ZNF717: variants seen among roughly 807,000 people sequenced by gnomAD.
The protein encoded by ZNF717 is krueppel-like factor X17.
A neutral mutation model predicts 13.8 loss-of-function variants in ZNF717; 9 were observed. The ratio of observed to expected loss-of-function variants is 0.65; its 90% CI spans 0.39 to 1.14. The LOEUF (loss-of-function observed/expected upper bound fraction) is 1.14, where lower values mean the gene tolerates loss of function less well. ZNF717 is among the 50% of genes most tolerant of loss of function. The pLI, the probability that ZNF717 is intolerant of heterozygous loss-of-function variation, is 0.01. For missense variants in ZNF717, 1,040 were observed against 1,080.7 expected (o/e 0.96, Z 0.53); for synonymous variants, 327 against 364.1 (o/e 0.90, Z 1.16).
chr3:75,782,680 T>G (rs749357684), intron 2 of ZNF717, among the ~76,000 whole-genome samples: 1 of 142,770 alleles, frequency 7.0e-6, no homozygotes, highest in Non-Finnish European at 1.6e-5. Context: ...TAGCGGCAGA[T>G]GACCATTTCC....
intron 2 of ZNF717, among the ~76,000 whole-genome samples, chr3:75,778,772 T>TA: frequency 7.9e-6 from 1 of 125,912 alleles, no homozygotes; most frequent in East Asian, 2.3e-4. Flanking sequence ...AGTGTCATGC[T>TA]AAACCAGAAA....
intron 2 of ZNF717, among the ~76,000 whole-genome samples, chr3:75,760,640 A>C (rs564237673): frequency 3.9e-5 from 6 of 152,174 alleles, no homozygotes; most frequent in African/African-American, 1.4e-4. Flanking sequence ...CAGATGCTTA[A>C]ATTGAAAAGA....
intron 5 of ZNF717, among the ~76,000 whole-genome samples, chr3:75,712,314 A>G (rs1937956479): frequency 6.6e-6 from 1 of 152,224 alleles, no homozygotes; most frequent in Non-Finnish European, 1.5e-5. Flanking sequence ...AAAACTCAAA[A>G]CCTCTTGCAA....
At chr3:75,769,660 A>T (rs1349251027) in intron 2 of ZNF717, among the ~76,000 whole-genome samples, 2 of 152,240 alleles carry the variant, frequency 1.3e-5, no homozygotes, top group African/African-American at 4.8e-5. Context: ...AGCATAGTTA[A>T]TATTTTACGT....
exon 6 of ZNF717, chr3:75,730,222 AT>A (rs1938445161): frequency 6.1e-6 from 1 of 164,458 alleles, no homozygotes; most frequent in South Asian, 1.8e-4. Flanking sequence ...CCATATTGGC[AT>A]TTTAACAGCC....
chr3:75,763,229 G>A (rs1322973674), intron 2 of ZNF717, among the ~76,000 whole-genome samples: 1 of 152,236 alleles, frequency 6.6e-6, no homozygotes, highest in East Asian at 1.9e-4. Context: ...CAACCAACAG[G>A]GTAAAAGGAA....
At chr3:75,713,469 A>T (rs1466160120) in intron 5 of ZNF717, among the ~76,000 whole-genome samples, 1 of 152,150 alleles carries the variant, frequency 6.6e-6, no homozygotes, top group African/African-American at 2.4e-5. Context: ...TTAGAATTTT[A>T]AACTTGTAGT....
intron 4 of ZNF717, among the ~76,000 whole-genome samples, chr3:75,719,970 A>AAATAATAAT (rs200443242): frequency 0.024 from 3,451 of 146,136 alleles, 59 homozygotes; most frequent in African/African-American, 0.033. Context: ...AAATAATAAT[A>AAATAATAAT]AATAATAATA....
intron 2 of ZNF717, among the ~76,000 whole-genome samples, chr3:75,761,608 A>G (rs973259269): frequency 6.6e-6 from 1 of 152,286 alleles, no homozygotes; most frequent in Non-Finnish European, 1.5e-5. Flanking sequence ...AGACAACAGG[A>G]TGTAATGTGT....
intron 5 of ZNF717, among the ~76,000 whole-genome samples, chr3:75,714,270 C>T (rs1405578533): frequency 1.4e-3 from 213 of 151,292 alleles, no homozygotes; most frequent in Non-Finnish European, 2.7e-3. Context: ...GTAGTGGGTG[C>T]TTTTCCTTGG....
intron 2 of ZNF717, among the ~76,000 whole-genome samples, chr3:75,770,548 G>A (rs529852225): frequency 9.2e-5 from 14 of 152,124 alleles, no homozygotes; most frequent in South Asian, 2.1e-4. Context: ...CAACAAGAGC[G>A]AAACTCTGTC....
downstream of ZNF717, among the ~76,000 whole-genome samples, chr3:75,704,724 G>A (rs1837276): frequency 1.3e-5 from 2 of 151,898 alleles, no homozygotes; most frequent in Admixed American, 6.6e-5. Flanking sequence ...TCTCTGCTCA[G>A]CGCCTCAGTT....
At chr3:75,758,001 C>T (rs1258693769) in intron 2 of ZNF717, among the ~76,000 whole-genome samples, 2 of 149,950 alleles carry the variant, frequency 1.3e-5, no homozygotes, top group South Asian at 2.1e-4. Context: ...GCCTGTAATC[C>T]GAAATACTTG....
chr3:75,732,759 A>G (rs1938689858), downstream of ZNF717, among the ~76,000 whole-genome samples: 1 of 152,356 alleles, frequency 6.6e-6, no homozygotes, highest in South Asian at 2.1e-4. Flanking sequence ...CCTCCCCTCC[A>G]CAGCTTCCCA....
In ZNF717 at chr3:75,769,914, G is replaced by A. The variant is rs548241502; in HGVS notation, c.57+13392C>T. Reference sequence around the variant, plus strand: ...CATATATTGTATATGTTAGCATATTGTATACATTGCATATTAACATAAGCT... The same window carrying A: ...CATATATTGTATATGTTAGCATATTATATACATTGCATATTAACATAAGCT... On this transcript the variant is annotated intron_variant, in intron 2 of 4. Coordinates refer to ENST00000652011, the MANE Select transcript of ZNF717 (RefSeq NM_001290208.3). Among the ~76,000 whole-genome samples the A allele has an allele frequency of 3.9e-5, 6 of 152,308 alleles. No individual in the cohort carries two copies. In the East Asian group the frequency reaches 1.2e-3, roughly 29 times the overall value.
chr3:75,726,943 A>G (rs200780163), downstream of ZNF717, among the ~76,000 whole-genome samples: 494 of 150,416 alleles, frequency 3.3e-3, 7 homozygotes, highest in East Asian at 0.07. Flanking sequence ...CATTTTAATC[A>G]ATAATGAACC....
downstream of ZNF717, among the ~76,000 whole-genome samples, chr3:75,727,525 T>C (rs1432661122): frequency 1.3e-5 from 2 of 152,158 alleles, no homozygotes; most frequent in African/African-American, 4.8e-5. Flanking sequence ...GGTAGGTCTA[T>C]AGATGGCCGC....
Position 75,738,155 on chromosome 3 carries a change from G to C in ZNF717, c.1468C>G (p.Arg490Gly). 1 of 1,362,972 alleles carries C rather than the reference G, an allele frequency of 7.3e-7. No individual in the cohort carries two copies. The highest frequency in any genetic ancestry group is 9.8e-7 in the Non-Finnish European group (1 of 1,019,368). The allele number at this position is 1,362,972 out of a possible 1,614,324, so 84.4% of individuals were successfully genotyped here. A position where few individuals can be genotyped will look rare whatever the true frequency, so the allele number is the denominator to read the frequency against. The change falls in exon 5 of 5, where the codon CGT becomes GGT. Residue 490 changes from arginine to glycine, a missense_variant. Physicochemically the swap from Arg to Gly is moderately radical, Grantham distance 125 (BLOSUM62 -2). This residue lies in a region of ZNF717 where 873 missense variants were observed against 832.8 expected (regional missense o/e 1.05). Coordinates refer to ENST00000652011, the MANE Select transcript of ZNF717 (RefSeq NM_001290208.3). ...TGATGGATAGTGAGGAATGACTTACGGTGAAACGTTTTCCCACATTCATTG... is the reference window on the plus strand; with the variant it reads ...TGATGGATAGTGAGGAATGACTTACCGTGAAACGTTTTCCCACATTCATTG... ...ECNECGKTFH[R>G]KSFLTIHQWT...
chr3:75,706,736 G>A (rs1174009007), downstream of ZNF717, among the ~76,000 whole-genome samples: 3 of 152,420 alleles, frequency 2.0e-5, no homozygotes, highest in Middle Eastern at 3.4e-3. Flanking sequence ...ATTAGCTATC[G>A]AGAGATGGAG....
Sources: gnomAD v4.1 joint callset for allele counts (sites outside exome capture counted in the v4.1 genomes callset) on GRCh38, gnomAD v4.1.1 for gene constraint, gnomAD v4.1.1 regional missense constraint, MANE v1.5 for transcripts, NCBI Gene and HGNC (gene_info 2026-07-23, HGNC 2026-07-21) for gene names.